Variants in EMILIN3 observed in about 807,000 individuals in gnomAD.
EMILIN3 encodes the protein elastin microfibril interfacer 3, also known as EMILIN-3.
A neutral mutation model predicts 42.8 loss-of-function variants in EMILIN3; 38 were observed. The observed-to-expected ratio is 0.89, with a 90% CI of 0.69 to 1.16. EMILIN3 has a LOEUF of 1.16. EMILIN3 is among the 50% of genes most tolerant of loss of function. The pLI, the probability that EMILIN3 is intolerant of heterozygous loss-of-function variation, is 0.00. For synonymous variants in EMILIN3, 430 were observed against 440.5 expected (o/e 0.98, Z 0.30); for missense variants, 924 against 999.5 (o/e 0.92, Z 1.02).
Position 41,361,392 on chromosome 20 carries a change from C to T in EMILIN3, c.2177G>A (p.Ser726Asn). ...EPLRPREGLW[S>N]HVDQLNRTLA... is the part of the protein sequence containing the mutation. ...CGTACGATTCAGCTGGTCCACATGG[C>T]TCCACAGGCCCTCTCTGGGCCTCAG... The change falls in exon 4 of 4, where the codon AGC becomes AAC. Residue 726 changes from serine to asparagine, a missense_variant. Coordinates refer to ENST00000332312, the MANE Select transcript of EMILIN3 (RefSeq NM_052846.2). 1.2e-6 allele frequency: 2 copies of T among 1,613,018 alleles called. No individual in the cohort carries two copies. The highest frequency in any genetic ancestry group is 3.3e-5 in the Admixed American group (2 of 59,982).
chr20:41,365,680 C>T (rs1600756769), intron 1 of EMILIN3, among the ~76,000 whole-genome samples: 1 of 152,310 alleles, frequency 6.6e-6, no homozygotes, highest in East Asian at 1.9e-4. Flanking sequence ...CCAGGAGGCT[C>T]GCTGTGATGT....
chr20:41,365,218 C>T, intron 1 of EMILIN3, 61 bp from the exon 2 acceptor site: 1 of 1,594,256 alleles, frequency 6.3e-7, no homozygotes. Context: ...GAGGCGCCTA[C>T]CCTCCCACCT....
Position 41,361,287 on chromosome 20 carries a change from C to T in EMILIN3, c.2282G>A (p.Arg761Gln), listed in dbSNP as rs147157827. The T allele has an allele frequency of 2.4e-5, 38 of 1,592,646 alleles. No homozygotes were observed. The highest frequency in any genetic ancestry group is 1.7e-4 in the Middle Eastern group (1 of 6,006). Residue 761 changes from arginine to glutamine, a missense_variant, in exon 4 of 4, where the codon CGG becomes CAG. Arg to Gln is a conservative substitution (Grantham distance 43). Transcript: ENST00000332312. Reference protein sequence around the residue: ...DCQAQLAEQVRPGQAN With the variant: ...DCQAQLAEQVQPGQAN ...GCCTGTCTAGTTGGCTTGCCCTGGC[C>T]GCACCTGCTCAGCCAGCTGGGCCTG...
chr20:41,362,389 G>T lies in EMILIN3; in HGVS notation c.1180C>A (p.Arg394Ser). 6.2e-7 allele frequency: 1 copy of T among 1,604,436 alleles called. No individual in the cohort carries two copies. The highest frequency in any genetic ancestry group is 8.5e-7 in the Non-Finnish European group (1 of 1,179,946). ...CCGQLALINA[R>S]MDGLERALQA... Reference sequence around the variant, plus strand: ...AGGGCCCTCTCAAGGCCATCCATACGGGCATTGATCAAGGCTAGTTGCCCA... The same window carrying T: ...AGGGCCCTCTCAAGGCCATCCATACTGGCATTGATCAAGGCTAGTTGCCCA... Residue 394 changes from arginine to serine, a missense_variant, in exon 4 of 4, where the codon CGT (arginine) becomes AGT (serine). Physicochemically the swap from Arg to Ser is moderately radical, Grantham distance 110 (BLOSUM62 -1). Transcript: ENST00000332312.
intron 2 of EMILIN3, among the ~76,000 whole-genome samples, chr20:41,364,740 C>G (rs2046385133): frequency 6.6e-6 from 1 of 152,210 alleles, no homozygotes; most frequent in African/African-American, 2.4e-5. Context: ...TTCCTCCTAG[C>G]CTTGTGCTGC....
At chr20:41,363,144 T>A in intron 3 of EMILIN3, 90 bp from the exon 4 acceptor site, 1 of 176,504 alleles carries the variant, frequency 5.7e-6, no homozygotes, top group Non-Finnish European at 8.2e-6. Flanking sequence ...CTTTCTGTTC[T>A]TTTTTTTTTT....
rs1600756069 is a variant in EMILIN3, at chr20:41,364,232, C to T, written c.291-371G>A. ...TGGGAGAATCAGACACAGCCCCAGC[C>T]CTCCCTGTGGGCAGGGAGGGGCACT... On this transcript the variant is annotated intron_variant, in intron 2 of 3. Coordinates refer to ENST00000332312, the MANE Select transcript of EMILIN3 (RefSeq NM_052846.2). Among the ~76,000 whole-genome samples, 3 of 152,152 alleles carry T rather than the reference C, an allele frequency of 2.0e-5. No homozygotes were observed. The South Asian group carries it at 6.2e-4, about 32-fold the overall frequency.
At chr20:41,364,899 T>C in intron 2 of EMILIN3, 136 bp downstream of exon 2, 1 of 1,345,786 alleles carries the variant, frequency 7.4e-7, no homozygotes, top group Non-Finnish European at 1.0e-6. Context: ...CCTTCTACTC[T>C]GGCCTGTATG....
Position 41,362,693 on chromosome 20 carries a change from G to A in EMILIN3, c.876C>T (p.Ser292=). The A allele has an allele frequency of 6.2e-7, 1 of 1,613,402 alleles. No individual in the cohort carries two copies. The highest frequency in any genetic ancestry group is 1.3e-5 in the African/African-American group (1 of 75,082). ...CCAGCAGGGCCAGGGAGGTGAGCGGGGATGGTGGGGCTTCCCGCAGCCGCT... is the reference window on the plus strand; with the variant it reads ...CCAGCAGGGCCAGGGAGGTGAGCGGAGATGGTGGGGCTTCCCGCAGCCGCT... ...HLQRLREAPP[S]PLTSLALLEE... The change falls in exon 4 of 4, where the codon TCC becomes TCT. Residue 292 remains serine, a synonymous_variant. Transcript: ENST00000332312.
rs1402714282 is a variant in EMILIN3, at chr20:41,363,037, G to C, written c.532C>G (p.Leu178Val). 6.3e-7 allele frequency: 1 copy of C among 1,581,576 alleles called. No individual in the cohort carries two copies. ...PSPHGRKGPG[L>V]FGERLERLEG... ...AGGCGTTCCAGCCGCTCACCAAACA[G>C]CCCTGGGCCTTTCCTTCCTGGGAAA... is the stretch of plus-strand genomic sequence containing the variant. The change falls in exon 4 of 4, where the codon CTG (leucine) becomes GTG (valine). Residue 178 changes from leucine to valine, a missense_variant. Physicochemically the swap from Leu to Val is conservative, Grantham distance 32. Transcript: ENST00000332312.
chr20:41,365,238 G>C (rs1215615241), intron 1 of EMILIN3, 81 bp from the exon 2 acceptor site: 1 of 1,550,840 alleles, frequency 6.4e-7, no homozygotes, highest in African/African-American at 1.4e-5. Context: ...TCCATCTGTG[G>C]GCCTCAGCAG....
rs374755877 is a variant in EMILIN3 at position 41,363,796 on chromosome 20, C to T, written c.356G>A (p.Arg119His). ...GYKTVTDLAW[R>H]CCPGFTGKRC... ...TTTCCCAGTGAAGCCGGGACAGCAA[C>T]GCCAGGCGAGGTCTGTCACTGTCTT... The change falls in exon 3 of 4, where the codon CGT (arginine) becomes CAT (histidine). Residue 119 changes from arginine to histidine, a missense_variant. By Grantham distance (29) the Arg-to-His change is conservative. Coordinates refer to ENST00000332312, the MANE Select transcript of EMILIN3 (RefSeq NM_052846.2). The T allele has an allele frequency of 3.1e-5, 50 of 1,614,020 alleles. No individual in the cohort carries two copies. Among genetic ancestry groups the T allele is most frequent in the South Asian group, 2.2e-4 (20 of 91,090 alleles).
At position 41,361,505 on chromosome 20, in the gene EMILIN3, G is replaced by A. The variant is rs745396243; in HGVS notation, c.2064C>T (p.His688=). 6.2e-7 allele frequency: 1 copy of A among 1,609,352 alleles called. No individual in the cohort carries two copies. The highest frequency in any genetic ancestry group is 2.2e-5 in the East Asian group (1 of 44,772). Residue 688 remains histidine, a synonymous_variant, in exon 4 of 4, where the codon CAC becomes CAT. Transcript: ENST00000332312. The part of the protein sequence containing the change: ...TAQKLQHTVG[H]FDQRVAQVEG... ...CCACTTGTGCCACCCGCTGGTCAAAGTGTCCCACTGTGTGCTGAAGTTTCT... is the reference window on the plus strand; with the variant it reads ...CCACTTGTGCCACCCGCTGGTCAAAATGTCCCACTGTGTGCTGAAGTTTCT...
Position 41,361,555 on chromosome 20 carries a change from G to A in EMILIN3, c.2014C>T (p.Leu672=). 1 of 1,611,400 alleles carries A rather than the reference G, an allele frequency of 6.2e-7. No individual in the cohort carries two copies. The highest frequency in any genetic ancestry group is 8.5e-7 in the Non-Finnish European group (1 of 1,179,752). ...KAGVAKVASG[L]SRCQDTAQKL... is the part of the protein sequence containing the mutation. ...TGGGCTGTGTCCTGGCAGCGGCTCA[G>A]CCCACTGGCCACCTTGGCCACACCA... Residue 672 remains leucine, a synonymous_variant, in exon 4 of 4, where the codon CTG becomes TTG. Coordinates refer to ENST00000332312, the MANE Select transcript of EMILIN3 (RefSeq NM_052846.2).
rs61739307 is a variant in EMILIN3 at position 41,362,531 on chromosome 20, G to A, written c.1038C>T (p.Ala346=). 261,093 of 1,597,980 alleles carry A rather than the reference G, an allele frequency of 0.16. 23,197 individuals are homozygous for A. Among genetic ancestry groups the A allele is most frequent in the Non-Finnish European group, 0.18 (213,916 of 1,178,696 alleles). ...GGCTCTGGTGCAGCCTCCGGCTGGCGGCCTGACCCTCCTCACATTGCCGCC... is the reference window on the plus strand; with the variant it reads ...GGCTCTGGTGCAGCCTCCGGCTGGCAGCCTGACCCTCCTCACATTGCCGCC... ...EVRRQCEEGQ[A]ASRRLHQSLD... The change falls in exon 4 of 4, where the codon GCC becomes GCT. Residue 346 remains alanine, a synonymous_variant. Coordinates refer to ENST00000332312, the MANE Select transcript of EMILIN3 (RefSeq NM_052846.2).
rs2046343457 is a variant in EMILIN3, at chr20:41,360,293, TC to T, written c.*974del. On this transcript the variant is annotated 3_prime_UTR_variant, in exon 4 of 4. Coordinates refer to ENST00000332312, the MANE Select transcript of EMILIN3 (RefSeq NM_052846.2). ...TTAAAAGCAAGGCTTGGAGCCCCTT[TC>T]CTCCAGCTGGTGGCTCCTTCTCAGG... 1 of 152,306 alleles carries T rather than the reference TC, an allele frequency of 6.6e-6. No individual in the cohort carries two copies. The highest frequency in any genetic ancestry group is 2.1e-4 in the South Asian group (1 of 4,832). 9.4% of individuals were successfully genotyped at this position (152,306 alleles called of 1,614,324 possible).
rs752947764 is a variant in EMILIN3, at chr20:41,361,292, C to T, written c.2277G>A (p.Gln759=). The change falls in exon 4 of 4, where the codon CAG becomes CAA. Residue 759 remains glutamine, a synonymous_variant. Transcript: ENST00000332312. ...LLDCQAQLAE[Q]VRPGQAN ...TCTAGTTGGCTTGCCCTGGCCGCAC[C>T]TGCTCAGCCAGCTGGGCCTGGCAGT... 1.6e-5 allele frequency: 25 copies of T among 1,597,162 alleles called. No individual in the cohort carries two copies. Among genetic ancestry groups the T allele is most frequent in the Non-Finnish European group, 1.9e-5 (22 of 1,167,598 alleles).
rs1225392634 is a variant in EMILIN3, at chr20:41,362,708, C to A, written c.861G>T (p.Arg287=). ...AGGTGAGCGGGGATGGTGGGGCTTC[C>A]CGCAGCCGCTGCAGGTGGGCCTCAT... ...LGHEAHLQRL[R]EAPPSPLTSL... Residue 287 remains arginine, a synonymous_variant, in exon 4 of 4, where the codon CGG becomes CGT. Transcript: ENST00000332312. 1 of 1,613,810 alleles carries A rather than the reference C, an allele frequency of 6.2e-7. No individual in the cohort carries two copies.
chr20:41,364,986 GGCGCTTGT>G (rs1490948679), intron 2 of EMILIN3, 41 bp downstream of exon 2: 1 of 1,609,698 alleles, frequency 6.2e-7, no homozygotes. Context: ...AGGCAGGACT[GGCGCTTGT>G]GCCAGGGGAT....
Sources: gnomAD v4.1 joint callset for allele counts (sites outside exome capture counted in the v4.1 genomes callset) on GRCh38, gnomAD v4.1.1 for gene constraint, MANE v1.5 for transcripts, NCBI Gene and HGNC (gene_info 2026-07-23, HGNC 2026-07-21) for gene names.